Variants in CHSY1 observed in about 807,000 individuals in gnomAD.
The protein encoded by CHSY1 is chondroitin sulfate synthase 1, also known as N-acetylgalactosaminyl-proteoglycan 3-beta-glucuronosyltransferase 1.
CHSY1 carries 13 observed loss-of-function variants against 59.8 expected under a neutral mutation model. The observed-to-expected ratio is 0.22, with a 90% CI of 0.14 to 0.35. The LOEUF is 0.35. Ranked by LOEUF, CHSY1 falls within the 10% of genes least tolerant of loss-of-function variation. The pLI is 1.00. For missense variants in CHSY1, 947 were observed against 1,030.6 expected (o/e 0.92, Z 1.11); for synonymous variants, 459 against 401.2 (o/e 1.14, Z -1.72).
At chr15:101,192,018 T>C (rs981754703) in intron 2 of CHSY1, among the ~76,000 whole-genome samples, 14 of 152,332 alleles carry the variant, frequency 9.2e-5, no homozygotes, top group South Asian at 4.1e-4. Context: ...ATGAGTAGGA[T>C]TGTTTGTTCT....
intron 2 of CHSY1, chr15:101,187,965 C>T: frequency 5.4e-6 from 5 of 929,648 alleles, no homozygotes; most frequent in Non-Finnish European, 6.4e-6. Flanking sequence ...CATCAACTAC[C>T]CATATCTAAT....
chr15:101,182,337 G>A (rs2038291652), intron 2 of CHSY1, among the ~76,000 whole-genome samples: 1 of 152,188 alleles, frequency 6.6e-6, no homozygotes. Flanking sequence ...CTGTTCAGGT[G>A]GGGATGATTA....
At chr15:101,225,385 A>C (rs1357583145) in intron 2 of CHSY1, among the ~76,000 whole-genome samples, 4 of 152,186 alleles carry the variant, frequency 2.6e-5, no homozygotes, top group Non-Finnish European at 5.9e-5. Flanking sequence ...AAATGCTTTG[A>C]ATATTGATAT....
chr15:101,201,131 G>A (rs766464155), intron 2 of CHSY1, among the ~76,000 whole-genome samples: 1 of 151,754 alleles, frequency 6.6e-6, no homozygotes, highest in Non-Finnish European at 1.5e-5. Context: ...GGAGGTGGTC[G>A]GGGGTGGCGG....
chr15:101,248,244 C>CA (rs2039070426), intron 1 of CHSY1, among the ~76,000 whole-genome samples: 2 of 152,164 alleles, frequency 1.3e-5, no homozygotes, highest in Admixed American at 1.3e-4. Flanking sequence ...GTCTGGGCTG[C>CA]AAAGCACAGT....
At chr15:101,185,939 G>A (rs934349667) in intron 2 of CHSY1, among the ~76,000 whole-genome samples, 1 of 151,600 alleles carries the variant, frequency 6.6e-6, no homozygotes, top group Non-Finnish European at 1.5e-5. Flanking sequence ...TATGGGCTAC[G>A]TCACTGCTCA....
chr15:101,185,648 G>A (rs938879854), intron 2 of CHSY1, among the ~76,000 whole-genome samples: 3 of 151,410 alleles, frequency 2.0e-5, no homozygotes, highest in Non-Finnish European at 2.9e-5. Context: ...GTGGCAAGGC[G>A]GCCATTTGTA....
chr15:101,237,460 G>C (rs1029705585), intron 1 of CHSY1, among the ~76,000 whole-genome samples: 1 of 152,160 alleles, frequency 6.6e-6, no homozygotes, highest in African/African-American at 2.4e-5. Flanking sequence ...CCCAGACCCG[G>C]GTTTAAGAGA....
chr15:101,251,421 C>CA lies in CHSY1; in HGVS notation c.35dup (p.Leu13AlafsTer111). The CA allele has an allele frequency of 9.0e-7, 1 of 1,112,536 alleles. No homozygotes were observed. Among genetic ancestry groups the CA allele is most frequent in the Non-Finnish European group, 1.1e-6 (1 of 897,236 alleles). 68.9% of individuals were successfully genotyped at this position (1,112,536 alleles called of 1,614,324 possible). ...CGAAGCCCAGGACGAGCCCGAGCAGCACGCTGAGCCAGGCGCGCCGGCCGC... is the reference window on the plus strand; with the variant it reads ...CGAAGCCCAGGACGAGCCCGAGCAGCAACGCTGAGCCAGGCGCGCCGGCCGC... On this transcript the variant is annotated frameshift_variant, in exon 1 of 3. Transcript: ENST00000254190. LOFTEE classifies it high-confidence loss of function.
At chr15:101,227,664 T>G (rs995807565) in intron 2 of CHSY1, among the ~76,000 whole-genome samples, 22 of 152,102 alleles carry the variant, frequency 1.4e-4, no homozygotes, top group Non-Finnish European at 1.5e-5. Context: ...TACAAGCAAG[T>G]TAAGTAGTTA....
intron 2 of CHSY1, among the ~76,000 whole-genome samples, chr15:101,223,568 G>A (rs2038811584): frequency 6.6e-6 from 1 of 150,480 alleles, no homozygotes; most frequent in Non-Finnish European, 1.5e-5. Context: ...CTACTACAGA[G>A]GACTTCCACA....
At chr15:101,193,843 G>A (rs2038475693) in intron 2 of CHSY1, among the ~76,000 whole-genome samples, 1 of 152,210 alleles carries the variant, frequency 6.6e-6, no homozygotes, top group African/African-American at 2.4e-5. Flanking sequence ...TTCCTTGCCT[G>A]ACAAAACCTG....
At chr15:101,232,550 G>C (rs1297578993) in intron 2 of CHSY1, among the ~76,000 whole-genome samples, 1 of 152,178 alleles carries the variant, frequency 6.6e-6, no homozygotes, top group Non-Finnish European at 1.5e-5. Context: ...ACATACAGGA[G>C]AAAACATATT....
chr15:101,246,417 C>G (rs952093817), intron 1 of CHSY1, among the ~76,000 whole-genome samples: 2 of 150,658 alleles, frequency 1.3e-5, no homozygotes, highest in Admixed American at 1.3e-4. Context: ...GAAACTCTCT[C>G]AGCAAGAAAA....
intron 2 of CHSY1, among the ~76,000 whole-genome samples, chr15:101,190,915 G>A (rs1011796966): frequency 2.0e-5 from 3 of 152,242 alleles, no homozygotes; most frequent in Admixed American, 6.5e-5. Context: ...CGAGAGGAGC[G>A]ACGCGAAATG....
intron 1 of CHSY1, among the ~76,000 whole-genome samples, chr15:101,249,122 AT>A (rs1297877044): frequency 6.6e-6 from 1 of 151,886 alleles, no homozygotes; most frequent in African/African-American, 2.4e-5. Context: ...TTTTCTGAGT[AT>A]TGCTGGTGCA....
intron 2 of CHSY1, among the ~76,000 whole-genome samples, chr15:101,231,845 T>A (rs1174793844): frequency 6.6e-6 from 1 of 152,232 alleles, no homozygotes; most frequent in Non-Finnish European, 1.5e-5. Flanking sequence ...ATTTCAAAAT[T>A]TTCAATAATA....
At chr15:101,198,576 C>T (rs1489409993) in intron 2 of CHSY1, among the ~76,000 whole-genome samples, 2 of 152,180 alleles carry the variant, frequency 1.3e-5, no homozygotes, top group South Asian at 2.1e-4. Flanking sequence ...CTCATGTCAT[C>T]GCATGCCAGG....
intron 2 of CHSY1, among the ~76,000 whole-genome samples, chr15:101,213,763 A>G (rs1430790242): frequency 6.6e-6 from 1 of 152,236 alleles, no homozygotes. Flanking sequence ...AAGCAAGATG[A>G]AACAGAAGAT....
Sources: gnomAD v4.1 joint callset for allele counts (sites outside exome capture counted in the v4.1 genomes callset) on GRCh38, gnomAD v4.1.1 for gene constraint, MANE v1.5 for transcripts, NCBI Gene and HGNC (gene_info 2026-07-23, HGNC 2026-07-21) for gene names.